Variants in KIF13B observed in about 807,000 individuals in gnomAD.
KIF13B encodes kinesin family member 13B.
In KIF13B, 127 loss-of-function variants were observed where a neutral mutation model predicts 222.0. The ratio of observed to expected loss-of-function variants is 0.57; its 90% CI spans 0.50 to 0.66. The LOEUF is 0.66. KIF13B is among the 30% of genes least tolerant of loss of function. The pLI is 0.00. For missense variants in KIF13B, 2,173 were observed against 2,379.0 expected (o/e 0.91, Z 1.80); for synonymous variants, 976 against 919.0 (o/e 1.06, Z -1.12).
At position 29,108,170 on chromosome 8, in the gene KIF13B, AG is replaced by A. The variant is rs1563707220; in HGVS notation, c.4183del (p.Leu1395SerfsTer7). The A allele has an allele frequency of 6.2e-7, 1 of 1,612,530 alleles. No individual in the cohort carries two copies. The highest frequency in any genetic ancestry group is 8.5e-7 in the Non-Finnish European group (1 of 1,179,282). ...VNRLSGSRQD[L>X]IPSYSLGSNK... ...GCTGCCTAGACTGTATGATGGAATGAGATCTTGTCGGCTTCCAGACAACTGA... is the reference window on the plus strand; with the variant it reads ...GCTGCCTAGACTGTATGATGGAATGAATCTTGTCGGCTTCCAGACAACTGA... On this transcript the variant is annotated frameshift_variant, in exon 35 of 40. Transcript: ENST00000524189. LOFTEE classifies it high-confidence loss of function.
At chr8:29,122,466 C>G in intron 29 of KIF13B, 125 bp downstream of exon 29, 1 of 718,150 alleles carries the variant, frequency 1.4e-6, no homozygotes, top group Non-Finnish European at 2.5e-6. Context: ...GACATGGACA[C>G]ACGTCAAACT....
intron 1 of KIF13B, among the ~76,000 whole-genome samples, chr8:29,262,590 G>A (rs1421177923): frequency 6.6e-6 from 1 of 151,844 alleles, no homozygotes; most frequent in Non-Finnish European, 1.5e-5. Flanking sequence ...CGCGCGCGGG[G>A]GCGACGATGA....
At chr8:29,243,787 T>C (rs1815890893) in intron 2 of KIF13B, among the ~76,000 whole-genome samples, 1 of 152,238 alleles carries the variant, frequency 6.6e-6, no homozygotes, top group East Asian at 1.9e-4. Context: ...ACTATGAAAA[T>C]TCATCAAGCT....
At chr8:29,108,005 T>C in intron 35 of KIF13B, 134 bp downstream of exon 35, 1 of 707,480 alleles carries the variant, frequency 1.4e-6, no homozygotes, top group Non-Finnish European at 2.4e-6. Context: ...TCTAAAACAC[T>C]TTCAAGTAAG....
intron 2 of KIF13B, among the ~76,000 whole-genome samples, chr8:29,215,736 A>G (rs1055186087): frequency 6.6e-6 from 1 of 152,248 alleles, no homozygotes; most frequent in Non-Finnish European, 1.5e-5. Context: ...CAACTAAGCT[A>G]AAGATGTTTT....
intron 2 of KIF13B, among the ~76,000 whole-genome samples, chr8:29,243,553 G>A (rs887215608): frequency 2.6e-5 from 4 of 151,928 alleles, no homozygotes; most frequent in Non-Finnish European, 4.4e-5. Context: ...CTACTTGGGA[G>A]GCTGAGGCAT....
At chr8:29,112,147 T>C (rs1020523493) in intron 32 of KIF13B, among the ~76,000 whole-genome samples, 3 of 152,220 alleles carry the variant, frequency 2.0e-5, no homozygotes, top group African/African-American at 7.2e-5. Context: ...GTAATATTTT[T>C]CTTTTCCAAA....
intron 37 of KIF13B, among the ~76,000 whole-genome samples, chr8:29,086,348 G>A (rs1378534946): frequency 6.6e-6 from 1 of 152,140 alleles, no homozygotes; most frequent in African/African-American, 2.4e-5. Context: ...AGGATTACTT[G>A]AGGCCAGGAG....
At chr8:29,245,810 G>A (rs749661222) in intron 1 of KIF13B, among the ~76,000 whole-genome samples, 4 of 152,152 alleles carry the variant, frequency 2.6e-5, no homozygotes, top group Admixed American at 6.5e-5. Flanking sequence ...TAAGGAAACC[G>A]CTAAAAATCT....
intron 22 of KIF13B, among the ~76,000 whole-genome samples, chr8:29,133,399 G>T (rs1810429434): frequency 6.6e-6 from 1 of 152,160 alleles, no homozygotes; most frequent in Non-Finnish European, 1.5e-5. Context: ...AACCAGCTTG[G>T]CCAACACGGT....
chr8:29,138,643 G>GT (rs1414079300), intron 21 of KIF13B: 1 of 152,104 alleles, frequency 6.6e-6, no homozygotes, highest in Non-Finnish European at 1.5e-5. Flanking sequence ...CCTCCCCCAG[G>GT]TAACACCTGT....
intron 2 of KIF13B, among the ~76,000 whole-genome samples, chr8:29,244,470 T>A (rs1815933786): frequency 6.6e-6 from 1 of 152,180 alleles, no homozygotes; most frequent in Non-Finnish European, 1.5e-5. Flanking sequence ...TACAAAAACA[T>A]CTCTGATACA....
Position 29,071,903 on chromosome 8 carries a change from C to CG in KIF13B, c.4934dup (p.Phe1646ValfsTer45). On this transcript the variant is annotated frameshift_variant, in exon 39 of 40. Transcript: ENST00000524189. LOFTEE classifies it high-confidence loss of function. This position sits in a 1 kb window ranked among gnomAD's most constrained non-coding sequence, Gnocchi z 4.9. ...AGGCCCGCACCCTCCGGACGCGGAA[C>CG]GGGGAGCCGGGCGCCGGGGCCTCGA... 6.8e-7 allele frequency: 1 copy of CG among 1,460,746 alleles called. No individual in the cohort carries two copies. Among genetic ancestry groups the CG allele is most frequent in the Non-Finnish European group, 8.9e-7 (1 of 1,119,094 alleles). 90.5% of individuals were successfully genotyped at this position (1,460,746 alleles called of 1,614,324 possible).
intron 1 of KIF13B, 32 bp downstream of exon 1, chr8:29,262,948 G>A (rs746229190): frequency 2.0e-5 from 30 of 1,528,190 alleles, no homozygotes; most frequent in Non-Finnish European, 2.4e-5. Flanking sequence ...TGCCGCCTCC[G>A]CCCCGGCGGC....
chr8:29,140,714 A>T, intron 19 of KIF13B, 97 bp from the exon 20 acceptor site: 3 of 1,087,608 alleles, frequency 2.8e-6, no homozygotes, highest in Non-Finnish European at 3.9e-6. Context: ...TATTAAACTT[A>T]ACTTTCATCA....
intron 13 of KIF13B, among the ~76,000 whole-genome samples, chr8:29,156,994 C>T (rs1056974199): frequency 6.6e-6 from 1 of 152,094 alleles, no homozygotes; most frequent in African/African-American, 2.4e-5. Context: ...ACCAGTCAGT[C>T]AACTGAAAAG....
chr8:29,135,841 G>A (rs1428692679), intron 21 of KIF13B, among the ~76,000 whole-genome samples: 2 of 152,228 alleles, frequency 1.3e-5, no homozygotes, highest in Non-Finnish European at 2.9e-5. Flanking sequence ...GGTTGCAGGA[G>A]CAGAGATCGC....
At chr8:29,148,880 CAAT>C in intron 15 of KIF13B, 113 bp from the exon 16 acceptor site, 1 of 760,412 alleles carries the variant, frequency 1.3e-6, no homozygotes, top group Non-Finnish European at 2.1e-6. Context: ...AAGTACAAGG[CAAT>C]TACTGTACTC....
chr8:29,173,714 CG>C (rs1033614986), intron 10 of KIF13B, among the ~76,000 whole-genome samples: 1 of 151,672 alleles, frequency 6.6e-6, no homozygotes, highest in African/African-American at 2.4e-5. Context: ...GAGGCTGAGG[CG>C]GGTGGATCAC....
Sources: gnomAD v4.1 joint callset for allele counts (sites outside exome capture counted in the v4.1 genomes callset) on GRCh38, gnomAD v4.1.1 for gene constraint, Gnocchi (gnomAD v3.1) non-coding constraint, MANE v1.5 for transcripts, NCBI Gene and HGNC (gene_info 2026-07-23, HGNC 2026-07-21) for gene names.